NLGN1: variants seen among roughly 807,000 people sequenced by gnomAD.
The protein encoded by NLGN1 is neuroligin 1, also known as neuroligin-1.
Under a neutral mutation model 65.5 loss-of-function variants are expected in NLGN1, and 12 were observed. The observed-to-expected ratio is 0.18, with a 90% CI of 0.12 to 0.30. NLGN1 has a LOEUF of 0.30. Among genes scored for constraint, NLGN1 ranks in the 10% least tolerant of loss-of-function variants. The pLI is 1.00. For missense variants in NLGN1, 750 were observed against 1,007.1 expected (o/e 0.74, Z 3.46); for synonymous variants, 350 against 359.5 (o/e 0.97, Z 0.30).
At chr3:174,037,264 T>C (rs777068771) in intron 4 of NLGN1, among the ~76,000 whole-genome samples, 6 of 152,192 alleles carry the variant, frequency 3.9e-5, no homozygotes, top group Admixed American at 6.5e-5. Context: ...TCAGCATCTG[T>C]TATTTTTTGA....
At chr3:173,538,873 G>GTTTT (rs34863294) in intron 2 of NLGN1, among the ~76,000 whole-genome samples, 9 of 146,202 alleles carry the variant, frequency 6.2e-5, no homozygotes, top group Admixed American at 1.4e-4. Context: ...TATCTTCATG[G>GTTTT]TTTTTTTTTT....
intron 3 of NLGN1, among the ~76,000 whole-genome samples, chr3:173,768,490 C>T (rs1196235282): frequency 1.3e-5 from 2 of 152,148 alleles, no homozygotes; most frequent in Non-Finnish European, 2.9e-5. Flanking sequence ...TCTTCTCAAG[C>T]ACACCCCTTT....
chr3:174,206,512 G>A (rs187345207), intron 4 of NLGN1, among the ~76,000 whole-genome samples: 1 of 152,034 alleles, frequency 6.6e-6, no homozygotes, highest in Non-Finnish European at 1.5e-5. Context: ...GTCCACCAAG[G>A]CCCCCAGCCA....
At chr3:173,552,395 G>C (rs1257423068) in intron 2 of NLGN1, among the ~76,000 whole-genome samples, 1 of 151,956 alleles carries the variant, frequency 6.6e-6, no homozygotes, top group Non-Finnish European at 1.5e-5. Context: ...GATAATAATT[G>C]TTAGCAGTGG....
Position 173,482,749 on chromosome 3 carries a change from T to G in NLGN1, c.-321+47671T>G, listed in dbSNP as rs73883153. Among the ~76,000 whole-genome samples, 378 of 152,078 alleles carry G rather than the reference T, an allele frequency of 2.5e-3. 3 individuals carry two copies. The highest frequency in any genetic ancestry group is 8.8e-3 in the African/African-American group (367 of 41,536). On this transcript the variant is annotated intron_variant, in intron 2 of 6. Transcript: ENST00000457714. ...CAGACATGAAGGAAAAGCAGTCTAA[T>G]GAGAGCTAGGTTAAGAAGACCATGA...
chr3:173,609,735 A>G, intron 3 of NLGN1, among the ~76,000 whole-genome samples: 1 of 152,020 alleles, frequency 6.6e-6, no homozygotes, highest in Admixed American at 6.6e-5. Flanking sequence ...TATAAAGCTT[A>G]CAACCTAGTG....
At chr3:173,857,591 A>C (rs1040491305) in intron 4 of NLGN1, among the ~76,000 whole-genome samples, 16 of 152,068 alleles carry the variant, frequency 1.1e-4, no homozygotes, top group Admixed American at 5.2e-4. Context: ...TAATACAAAA[A>C]AAAATCACAG....
At chr3:173,698,908 G>A (rs1414586790) in intron 3 of NLGN1, among the ~76,000 whole-genome samples, 2 of 152,078 alleles carry the variant, frequency 1.3e-5, no homozygotes, top group African/African-American at 4.8e-5. Flanking sequence ...CGAGGCTGGA[G>A]TACAATGGCG....
At chr3:173,568,547 T>C (rs1744104813) in intron 2 of NLGN1, among the ~76,000 whole-genome samples, 1 of 152,224 alleles carries the variant, frequency 6.6e-6, no homozygotes, top group South Asian at 2.1e-4. Context: ...AATAGATTTC[T>C]TAAACTTATT....
chr3:173,492,401 G>A (rs967760048), intron 2 of NLGN1, among the ~76,000 whole-genome samples: 3 of 151,624 alleles, frequency 2.0e-5, no homozygotes, highest in Non-Finnish European at 4.4e-5. Context: ...TAGGGTTCTA[G>A]GCATATTAAT....
intron 2 of NLGN1, among the ~76,000 whole-genome samples, chr3:173,473,540 A>G (rs1469472222): frequency 1.3e-5 from 2 of 152,196 alleles, no homozygotes; most frequent in Admixed American, 6.5e-5. Context: ...TCACTAAAAT[A>G]GTTGCTGTTT....
chr3:173,415,890 A>AAT lies in NLGN1; in HGVS notation c.-390+17417_-390+17418dup, dbSNP rs149873787. ...TACCTGTGGAACATTGCAAGGAGTA[A>AAT]ATATATATATATATAGAGAGAGAGA... On this transcript the variant is annotated intron_variant, in intron 1 of 6. Coordinates refer to ENST00000457714, the Ensembl canonical transcript of NLGN1. Among the ~76,000 whole-genome samples the AAT allele has an allele frequency of 1.0e-2, 1,343 of 134,882 alleles. 11 individuals carry two copies. Among genetic ancestry groups the AAT allele is most frequent in the Middle Eastern group, 0.017 (4 of 242 alleles). 88.5% of individuals were successfully genotyped at this position (134,882 alleles called of 152,430 possible). A position where few individuals can be genotyped will look rare whatever the true frequency, so the allele number is the denominator to read the frequency against.
intron 4 of NLGN1, among the ~76,000 whole-genome samples, chr3:173,894,069 C>A (rs1024907311): frequency 6.6e-6 from 1 of 152,172 alleles, no homozygotes; most frequent in Admixed American, 6.5e-5. Context: ...TTCCTGCCAT[C>A]CCTTGGGGTG....
chr3:173,952,569 G>A lies in NLGN1; in HGVS notation c.646+144737G>A, dbSNP rs1387022428. Among the ~76,000 whole-genome samples the A allele has an allele frequency of 1.3e-5, 2 of 151,958 alleles. 1 individual carries two copies. Among genetic ancestry groups the A allele is most frequent in the Non-Finnish European group, 2.9e-5 (2 of 67,980 alleles). ...TGATTAATAGAGTCGTCTGTACTTT[G>A]GTTATTTCATCTACGAAGCAAGGGA... is the stretch of plus-strand genomic sequence containing the variant. On this transcript the variant is annotated intron_variant, in intron 4 of 6. Coordinates refer to ENST00000457714, the Ensembl canonical transcript of NLGN1.
At position 174,199,215 on chromosome 3, in the gene NLGN1, G is replaced by A. The variant is rs374129098; in HGVS notation, c.647-76100G>A. 2.0e-3 allele frequency among the ~76,000 whole-genome samples: 312 copies of A among 152,222 alleles called. 2 individuals are homozygous for A. Among genetic ancestry groups the A allele is most frequent in the South Asian group, 0.016 (77 of 4,820 alleles). ...TCAATCTAACCTTGCTACGCTGAGAGTATGCAATGCTTTGACAAAGGATGT... is the reference window on the plus strand; with the variant it reads ...TCAATCTAACCTTGCTACGCTGAGAATATGCAATGCTTTGACAAAGGATGT... On this transcript the variant is annotated intron_variant, in intron 4 of 6. Transcript: ENST00000457714.
intron 1 of NLGN1, among the ~76,000 whole-genome samples, chr3:173,416,095 G>C (rs953201025): frequency 6.6e-6 from 1 of 152,106 alleles, no homozygotes; most frequent in South Asian, 2.1e-4. Context: ...TGAAGCTCAA[G>C]CACTTTGTTT....
At chr3:173,573,542 T>A (rs1449964487) in intron 2 of NLGN1, among the ~76,000 whole-genome samples, 1 of 149,126 alleles carries the variant, frequency 6.7e-6, no homozygotes, top group African/African-American at 2.4e-5. Context: ...ATTTATAATA[T>A]AATTATGTAT....
intron 3 of NLGN1, chr3:173,685,780 T>TG: frequency 4.1e-6 from 4 of 985,412 alleles, no homozygotes; most frequent in Non-Finnish European, 3.6e-6. Flanking sequence ...TTGTATGTGC[T>TG]GTGTCAAAAA....
At chr3:174,130,997 T>C (rs1333509627) in intron 4 of NLGN1, among the ~76,000 whole-genome samples, 1 of 152,150 alleles carries the variant, frequency 6.6e-6, no homozygotes, top group Non-Finnish European at 1.5e-5. Flanking sequence ...CTCATGTGAT[T>C]CTTACTCATC....
Sources: allele counts gnomAD v4.1 joint callset (sites outside exome capture counted in the v4.1 genomes callset), GRCh38; gene constraint gnomAD v4.1.1; transcripts MANE v1.5; gene names NCBI Gene and HGNC (gene_info 2026-07-23, HGNC 2026-07-21).